Variants in SNRPN observed in about 807,000 individuals in gnomAD.
The protein encoded by SNRPN is small nuclear ribonucleoprotein polypeptide N.
In SNRPN, 7 loss-of-function variants were observed where a neutral mutation model predicts 25.2. That is an observed-to-expected ratio of 0.28 (90% confidence interval 0.16 to 0.52). The LOEUF is 0.52. Among genes scored for constraint, SNRPN ranks in the 20% least tolerant of loss-of-function variants. SNRPN has a pLI of 0.96. For synonymous variants in SNRPN, 124 were observed against 110.6 expected (o/e 1.12, Z -0.76); for missense variants, 196 against 322.5 (o/e 0.61, Z 3.00).
At chr15:24,897,576 C>A (rs994217847) in intron 2 of SNRPN, among the ~76,000 whole-genome samples, 4 of 152,136 alleles carry the variant, frequency 2.6e-5, no homozygotes, top group Non-Finnish European at 5.9e-5. Context: ...CAACGTGAGA[C>A]CTTGTGATAT....
rs950043802 is a variant in SNRPN at position 24,978,504 on chromosome 15, A to G, written c.*60A>G. ...TGCAATGCGTCTTGTGAAATTGTGT[A>G]GAGTGTTTGTGAGCTTTTTGTTCCC... On this transcript the variant is annotated 3_prime_UTR_variant, in exon 10 of 10. Transcript: ENST00000390687. 1 of 1,487,812 alleles carries G rather than the reference A, an allele frequency of 6.7e-7. No homozygotes were observed. Among genetic ancestry groups the G allele is most frequent in the African/African-American group, 1.4e-5 (1 of 72,196 alleles). The allele number at this position is 1,487,812 out of a possible 1,614,324, so 92.2% of individuals were successfully genotyped here. A position where few individuals can be genotyped will look rare whatever the true frequency, so the allele number is the denominator to read the frequency against.
intron 1 of SNRPN, among the ~76,000 whole-genome samples, chr15:24,956,726 G>A (rs771922782): frequency 6.6e-6 from 1 of 152,184 alleles, no homozygotes; most frequent in East Asian, 1.9e-4. Context: ...ATGGGTTGGC[G>A]CAGGCTCCGC....
intron 2 of SNRPN, among the ~76,000 whole-genome samples, chr15:24,832,801 C>T (rs775250913): frequency 1.3e-5 from 2 of 151,782 alleles, no homozygotes; most frequent in South Asian, 2.1e-4. Flanking sequence ...AGATGATGAA[C>T]GTAGAACTCA....
At chr15:24,922,377 C>T (rs2060083539) in intron 3 of SNRPN, among the ~76,000 whole-genome samples, 1 of 152,094 alleles carries the variant, frequency 6.6e-6, no homozygotes, top group Admixed American at 6.6e-5. Flanking sequence ...TACCTTGAAC[C>T]CAGAACTATT....
At chr15:24,915,175 T>G (rs1356503882) in intron 2 of SNRPN, among the ~76,000 whole-genome samples, 2 of 152,036 alleles carry the variant, frequency 1.3e-5, no homozygotes, top group Admixed American at 1.3e-4. Context: ...TCATCCAGGC[T>G]GGAGTGTAGT....
upstream of SNRPN, among the ~76,000 whole-genome samples, chr15:24,852,569 A>G (rs969724114): frequency 1.3e-5 from 2 of 152,210 alleles, no homozygotes; most frequent in Admixed American, 1.3e-4. Context: ...TGTAAATTAA[A>G]CATATTTTTC....
intron 2 of SNRPN, among the ~76,000 whole-genome samples, chr15:24,839,647 T>A (rs1276236733): frequency 6.6e-6 from 1 of 152,090 alleles, no homozygotes; most frequent in Non-Finnish European, 1.5e-5. Context: ...TGCCAAGGTT[T>A]ATTCTGACAA....
intron 1 of SNRPN, among the ~76,000 whole-genome samples, chr15:24,884,019 A>AG (rs895554103): frequency 2.1e-5 from 3 of 145,498 alleles, no homozygotes; most frequent in Admixed American, 7.0e-5. Context: ...AAAAAAAAAA[A>AG]AAGAATGTAG....
At chr15:24,911,626 G>T (rs956120884) in intron 2 of SNRPN, among the ~76,000 whole-genome samples, 3 of 152,322 alleles carry the variant, frequency 2.0e-5, no homozygotes, top group East Asian at 3.9e-4. Context: ...CATGCATGTG[G>T]TGCTAACTGC....
In SNRPN at chr15:24,929,326, A is replaced by G. The variant is rs990349133; in HGVS notation, c.-391+9202A>G. Among the ~76,000 whole-genome samples the G allele has an allele frequency of 6.6e-6, 1 of 151,380 alleles. No homozygotes were observed. The highest frequency in any genetic ancestry group is 2.4e-5 in the African/African-American group (1 of 41,192). ...GTGAGTGTCACCCCATTTCTGTTTC[A>G]TCTCTTTCCCTACTCTCCCCCTTGC... On this transcript the variant is annotated intron_variant, in intron 3 of 11. Coordinates refer to the SNRPN transcript ENST00000400097. The surrounding 1 kb of genome is among the most constrained non-coding windows in gnomAD (Gnocchi z 5.3).
chr15:24,875,127 G>C (rs368387685), intron 1 of SNRPN, among the ~76,000 whole-genome samples: 1 of 152,244 alleles, frequency 6.6e-6, no homozygotes, highest in East Asian at 1.9e-4. Flanking sequence ...AACACTGTAT[G>C]AGAAAATGCT....
intron 1 of SNRPN, among the ~76,000 whole-genome samples, chr15:24,882,174 G>A (rs890480439): frequency 1.3e-5 from 2 of 152,038 alleles, no homozygotes; most frequent in South Asian, 2.1e-4. Context: ...TACAAAAGTC[G>A]GTTCATTTGT....
At chr15:24,870,563 A>T (rs2054999600) in intron 1 of SNRPN, among the ~76,000 whole-genome samples, 1 of 152,040 alleles carries the variant, frequency 6.6e-6, no homozygotes, top group Non-Finnish European at 1.5e-5. Context: ...TAGAGGCTAC[A>T]TGCATAGTGG....
intron 3 of SNRPN, among the ~76,000 whole-genome samples, chr15:24,943,724 A>G (rs2061702486): frequency 6.6e-6 from 1 of 152,202 alleles, no homozygotes; most frequent in South Asian, 2.1e-4. Flanking sequence ...AATATCCTAA[A>G]GGCCTATGCT....
chr15:24,909,130 T>C (rs1246894098), intron 2 of SNRPN: 39 of 1,343,202 alleles, frequency 2.9e-5, no homozygotes, highest in Non-Finnish European at 3.6e-5. Context: ...TGTCTGGAGT[T>C]ACCCTGTTCT....
At chr15:24,957,129 T>C (rs538092985) in intron 1 of SNRPN, among the ~76,000 whole-genome samples, 11 of 152,316 alleles carry the variant, frequency 7.2e-5, no homozygotes, top group South Asian at 4.1e-4. Flanking sequence ...TTCGACACAT[T>C]TAATAAATGT....
intron 3 of SNRPN, among the ~76,000 whole-genome samples, chr15:24,920,724 G>T (rs781090851): frequency 6.6e-6 from 1 of 152,128 alleles, no homozygotes; most frequent in Non-Finnish European, 1.5e-5. Context: ...GTGTATAGAG[G>T]CATAAACTCA....
intron 1 of SNRPN, among the ~76,000 whole-genome samples, chr15:24,957,156 G>A (rs1171980604): frequency 2.6e-5 from 4 of 151,946 alleles, no homozygotes; most frequent in Non-Finnish European, 5.9e-5. Context: ...TTAAGATTCA[G>A]TTATCCTTCT....
rs1159251123 is a variant in SNRPN at position 24,955,646 on chromosome 15, G to GTCGGTGTGA, written c.-391+584_-391+585insTCGGTGTGA. ...CAGTGACCGAGGCGAGGAGGCTATG[G>GTCGGTGTGA]CAGTGGACCAGGGGGATGAGTCGGT... is the stretch of plus-strand genomic sequence containing the variant. On this transcript the variant is annotated intron_variant, in intron 1 of 9. Transcript: ENST00000390687. 4.1e-3 allele frequency among the ~76,000 whole-genome samples: 610 copies of GTCGGTGTGA among 147,686 alleles called. 4 individuals carry two copies. Among genetic ancestry groups the GTCGGTGTGA allele is most frequent in the African/African-American group, 0.014 (574 of 39,744 alleles).
Sources: gnomAD v4.1 joint callset for allele counts (sites outside exome capture counted in the v4.1 genomes callset) on GRCh38, gnomAD v4.1.1 for gene constraint, Gnocchi (gnomAD v3.1) non-coding constraint, MANE v1.5 for transcripts, NCBI Gene and HGNC (gene_info 2026-07-23, HGNC 2026-07-21) for gene names.